Variants in CPOX observed in about 807,000 individuals in gnomAD.
CPOX encodes coproporphyrinogen oxidase.
In CPOX, 24 loss-of-function variants were observed where a neutral mutation model predicts 48.9. The observed-to-expected ratio is 0.49, with a 90% CI of 0.36 to 0.69. The LOEUF (loss-of-function observed/expected upper bound fraction) is 0.69. Among genes scored for constraint, CPOX ranks in the 30% least tolerant of loss-of-function variants. CPOX has a pLI of 0.00. For missense variants in CPOX, 549 were observed against 597.3 expected (o/e 0.92, Z 0.84); for synonymous variants, 249 against 234.6 (o/e 1.06, Z -0.56).
chr3:98,592,846 C>T, intron 1 of CPOX, 103 bp downstream of exon 1: 1 of 1,302,748 alleles, frequency 7.7e-7, no homozygotes, highest in Non-Finnish European at 1.1e-6. Flanking sequence ...GTACCCCCTA[C>T]CTACCCCATC....
At position 98,580,550 on chromosome 3, in the gene CPOX, C is replaced by T; in HGVS notation, c.*133G>A. The T allele has an allele frequency of 6.6e-7, 1 of 1,523,430 alleles. No homozygotes were observed. The highest frequency in any genetic ancestry group is 2.1e-5 in the Admixed American group (1 of 48,450). 94.4% of individuals were successfully genotyped at this position (1,523,430 alleles called of 1,614,324 possible). ...AGCATCCAAAACATGTTATCATCTG[C>T]CCACGAGGTAGGGTGCAGAGTGGAG... On this transcript the variant is annotated 3_prime_UTR_variant, in exon 7 of 7. Transcript: ENST00000647941.
Position 98,581,446 on chromosome 3 carries a change from C to T in CPOX, c.1238G>A (p.Arg413Lys). 1 of 1,614,088 alleles carries T rather than the reference C, an allele frequency of 6.2e-7. No individual in the cohort carries two copies. Among genetic ancestry groups the T allele is most frequent in the Non-Finnish European group, 8.5e-7 (1 of 1,179,970 alleles). Residue 413 changes from arginine (R) to lysine (K), a missense_variant, in exon 6 of 7, where the codon AGA (arginine) becomes AAA (lysine). Coordinates refer to ENST00000647941, the MANE Select transcript of CPOX (RefSeq NM_000097.7). The part of the protein sequence containing the change: ...TKFGLFTPGS[R>K]IESILMSLPL... ...TAAAGACATCAAGATACTTTCAATT[C>T]TGGATCCTGGAGTGAAGAGGCCAAA...
chr3:98,575,628 C>T (rs528255445), downstream of CPOX, among the ~76,000 whole-genome samples: 6 of 150,780 alleles, frequency 4.0e-5, no homozygotes, highest in South Asian at 6.3e-4. Flanking sequence ...CTTGTCTCTA[C>T]TAAAAAAATA....
In CPOX at chr3:98,579,598, A is replaced by C. The variant is rs1707213063; in HGVS notation, c.*1085T>G. 7.1e-6 allele frequency: 7 copies of C among 984,984 alleles called. No homozygotes were observed. In the South Asian group the frequency reaches 3.3e-4, roughly 46 times the overall value. 61.0% of individuals were successfully genotyped at this position (984,984 alleles called of 1,614,324 possible). A position where few individuals can be genotyped will look rare whatever the true frequency, so the allele number is the denominator to read the frequency against. ...ATGTATGAGATGCTCTTCCTTATAA[A>C]CTTTATTACGAAGCAAATAAAATAA... is the stretch of plus-strand genomic sequence containing the variant. On this transcript the variant is annotated 3_prime_UTR_variant, in exon 7 of 7. Coordinates refer to ENST00000647941, the MANE Select transcript of CPOX (RefSeq NM_000097.7).
Position 98,580,737 on chromosome 3 carries a change from GGAATTC to G in CPOX, c.1305_1310del (p.Glu435_Ser437delinsAsp). On this transcript the variant is annotated inframe_deletion, in exon 7 of 7. Transcript: ENST00000647941. The stretch of plus-strand genomic sequence containing the variant: ...GAACTTCCAGAATTTCAGCTTCTTT[GGAATTC>G]TCTGAGGGTGAATGCATGTACTCCC... 2.5e-6 allele frequency: 4 copies of G among 1,613,986 alleles called. No homozygotes were observed. Among genetic ancestry groups the G allele is most frequent in the Non-Finnish European group, 2.5e-6 (3 of 1,179,988 alleles).
At chr3:98,581,826 G>A (rs1707264652) in intron 5 of CPOX, among the ~76,000 whole-genome samples, 1 of 152,116 alleles carries the variant, frequency 6.6e-6, no homozygotes, top group South Asian at 2.1e-4. Context: ...CAACAATTAA[G>A]AAAAAGAAAT....
downstream of CPOX, among the ~76,000 whole-genome samples, chr3:98,578,738 G>A (rs541945596): frequency 7.2e-4 from 110 of 152,222 alleles, no homozygotes; most frequent in African/African-American, 2.5e-3. Context: ...TGTTTCTGAT[G>A]TTCACCCATG....
chr3:98,580,200 A>C lies in CPOX; in HGVS notation c.*483T>G. The C allele has an allele frequency of 1.0e-6, 1 of 991,908 alleles. No individual in the cohort carries two copies. The highest frequency in any genetic ancestry group is 4.5e-5 in the South Asian group (1 of 22,306). 61.4% of individuals were successfully genotyped at this position (991,908 alleles called of 1,614,324 possible). A position where few individuals can be genotyped will look rare whatever the true frequency, so the allele number is the denominator to read the frequency against. Reference sequence around the variant, plus strand: ...AAGATATATAAGGATTACAGCAGAGACTTCAGTATTGACAAAGTAAAATTT... The same window carrying C: ...AAGATATATAAGGATTACAGCAGAGCCTTCAGTATTGACAAAGTAAAATTT... On this transcript the variant is annotated 3_prime_UTR_variant, in exon 7 of 7. Coordinates refer to ENST00000647941, the MANE Select transcript of CPOX (RefSeq NM_000097.7).
chr3:98,581,340 T>C, intron 6 of CPOX, 67 bp downstream of exon 6: 1 of 1,143,264 alleles, frequency 8.7e-7, no homozygotes, highest in East Asian at 2.4e-5. Context: ...GTGTTAACTT[T>C]CATATTTTGT....
intron 3 of CPOX, among the ~76,000 whole-genome samples, chr3:98,590,046 T>C (rs1707447393): frequency 6.6e-6 from 1 of 152,264 alleles, no homozygotes; most frequent in African/African-American, 2.4e-5. Context: ...GAATTTATGT[T>C]TGCAAAGAAC....
Position 98,580,444 on chromosome 3 carries a change from CA to C in CPOX, c.*238del. 7.5e-7 allele frequency: 1 copy of C among 1,336,624 alleles called. No homozygotes were observed. The highest frequency in any genetic ancestry group is 3.1e-5 in the East Asian group (1 of 32,350). 82.8% of individuals were successfully genotyped at this position (1,336,624 alleles called of 1,614,324 possible). A position where few individuals can be genotyped will look rare whatever the true frequency, so the allele number is the denominator to read the frequency against. On this transcript the variant is annotated 3_prime_UTR_variant, in exon 7 of 7. Coordinates refer to ENST00000647941, the MANE Select transcript of CPOX (RefSeq NM_000097.7). Reference sequence around the variant, plus strand: ...TCAATGTCCTATTTTGTAAACTAGTCATATAAAATGACACTAGAAGTATAAA... The same window carrying C: ...TCAATGTCCTATTTTGTAAACTAGTCTATAAAATGACACTAGAAGTATAAA...
intron 5 of CPOX, among the ~76,000 whole-genome samples, chr3:98,585,234 G>A (rs1707338775): frequency 6.6e-6 from 1 of 152,134 alleles, no homozygotes; most frequent in Non-Finnish European, 1.5e-5. Context: ...CCTACTATGA[G>A]TCTCTAATGT....
At chr3:98,573,624 C>T in the CPOX span, among the ~76,000 whole-genome samples, 5 of 152,076 alleles carry the variant, frequency 3.3e-5, no homozygotes, top group African/African-American at 1.2e-4. Flanking sequence ...TTCTGCTCCA[C>T]CTACTGGTTC....
chr3:98,584,353 A>T (rs948617326), intron 5 of CPOX, among the ~76,000 whole-genome samples: 2 of 152,118 alleles, frequency 1.3e-5, no homozygotes, highest in African/African-American at 4.8e-5. Flanking sequence ...AAGAGTGGTA[A>T]AGGTATATTT....
Position 98,579,489 on chromosome 3 carries a change from A to C in CPOX, c.*1194T>G. 1 of 909,950 alleles carries C rather than the reference A, an allele frequency of 1.1e-6. No homozygotes were observed. The highest frequency in any genetic ancestry group is 1.3e-6 in the Non-Finnish European group (1 of 761,420). The allele number at this position is 909,950 out of a possible 1,614,324, so 56.4% of individuals were successfully genotyped here. On this transcript the variant is annotated 3_prime_UTR_variant, in exon 7 of 7. Transcript: ENST00000647941. ...AAAATTTATTAGCAGATCTCTTGTAAGACAGTTGAAGAATTCATACATTTT... is the reference window on the plus strand; with the variant it reads ...AAAATTTATTAGCAGATCTCTTGTACGACAGTTGAAGAATTCATACATTTT...
At chr3:98,576,835 T>C (rs1707167953), downstream of CPOX, among the ~76,000 whole-genome samples, 1 of 152,162 alleles carries the variant, frequency 6.6e-6, no homozygotes, top group Admixed American at 6.5e-5. Flanking sequence ...CTAAGCTTGA[T>C]ACTACGATAT....
At chr3:98,592,025 A>T (rs1576305678) in intron 1 of CPOX, among the ~76,000 whole-genome samples, 1 of 151,330 alleles carries the variant, frequency 6.6e-6, no homozygotes, top group Admixed American at 6.6e-5. Flanking sequence ...TATGAGGATT[A>T]AAAGAGATGA....
intron 4 of CPOX, among the ~76,000 whole-genome samples, chr3:98,588,084 G>A (rs1278655185): frequency 6.6e-6 from 1 of 152,050 alleles, no homozygotes. Context: ...TAAAAACAAA[G>A]CAAAAAGACA....
chr3:98,587,646 G>A (rs1301272601), intron 4 of CPOX, among the ~76,000 whole-genome samples: 1 of 151,060 alleles, frequency 6.6e-6, no homozygotes, highest in Admixed American at 6.6e-5. Flanking sequence ...CATCCATCAG[G>A]GCTCTGCCCA....
Sources: gnomAD v4.1 joint callset for allele counts (sites outside exome capture counted in the v4.1 genomes callset) on GRCh38, gnomAD v4.1.1 for gene constraint, MANE v1.5 for transcripts, NCBI Gene and HGNC (gene_info 2026-07-23, HGNC 2026-07-21) for gene names.